Variants in NALCN observed in about 807,000 individuals in gnomAD.
The protein encoded by NALCN is sodium leak channel NALCN.
In NALCN, 111 loss-of-function variants were observed where a neutral mutation model predicts 225.3. The observed-to-expected ratio is 0.49, with a 90% CI of 0.42 to 0.58. NALCN has a LOEUF of 0.58. NALCN is among the 20% of genes least tolerant of loss of function. The pLI is 0.00. For missense variants in NALCN, 1,378 were observed against 2,202.4 expected (o/e 0.63, Z 7.49); for synonymous variants, 764 against 769.0 (o/e 0.99, Z 0.11).
intron 10 of NALCN, among the ~76,000 whole-genome samples, chr13:101,273,547 T>C (rs1420970348): frequency 6.6e-6 from 1 of 152,174 alleles, no homozygotes; most frequent in Non-Finnish European, 1.5e-5. Context: ...TGTCTTTATA[T>C]CTAATATCTT....
At chr13:101,116,454 T>G in intron 18 of NALCN, 1 of 507,040 alleles carries the variant, frequency 2.0e-6, no homozygotes, top group Non-Finnish European at 3.9e-6. Flanking sequence ...AAGAGAGATC[T>G]TTGGAGCTTT....
chr13:101,137,145 G>A (rs931581140), intron 17 of NALCN, among the ~76,000 whole-genome samples: 1 of 152,112 alleles, frequency 6.6e-6, no homozygotes, highest in African/African-American at 2.4e-5. Flanking sequence ...TTAAGCTAGA[G>A]AGAAGTGTAC....
rs529247444 is a variant in NALCN at position 101,182,374 on chromosome 13, G to A, written c.1765-6000C>T. 2.6e-5 allele frequency among the ~76,000 whole-genome samples: 4 copies of A among 152,068 alleles called. 1 individual carries two copies. In the South Asian group the frequency reaches 8.3e-4, roughly 32 times the overall value. ...TTTGGCTTCTCTGGGAAAACGCTGC[G>A]TGACTTCACAACAGGAAGGCCCAAA... On this transcript the variant is annotated intron_variant, in intron 14 of 43. Coordinates refer to ENST00000251127, the MANE Select transcript of NALCN (RefSeq NM_052867.4).
intron 13 of NALCN, among the ~76,000 whole-genome samples, chr13:101,208,480 A>C (rs2040405195): frequency 6.6e-6 from 1 of 152,244 alleles, no homozygotes; most frequent in African/African-American, 2.4e-5. Context: ...AGAGGGCTTT[A>C]GTATTCCCAA....
intron 11 of NALCN, among the ~76,000 whole-genome samples, chr13:101,245,657 C>T (rs960798044): frequency 3.9e-5 from 6 of 152,110 alleles, no homozygotes; most frequent in Admixed American, 6.5e-5. Flanking sequence ...GGTTTGATGT[C>T]GCCATAATGA....
intron 15 of NALCN, among the ~76,000 whole-genome samples, chr13:101,151,132 C>T (rs1421390150): frequency 1.3e-5 from 2 of 152,330 alleles, no homozygotes; most frequent in East Asian, 1.9e-4. Flanking sequence ...TGCTATTCTA[C>T]GGCTCAGCAT....
rs9585671 is a variant in NALCN at position 101,331,525 on chromosome 13, C to G, written c.799+13741G>C. 2.0e-5 allele frequency among the ~76,000 whole-genome samples: 3 copies of G among 152,024 alleles called. No individual in the cohort carries two copies. In the South Asian group the frequency reaches 6.2e-4, roughly 32 times the overall value. ...AGGGACAGAGAATGATAGAAGATTC[C>G]TTGTGCAACTAATCAAGGATCAAGA... On this transcript the variant is annotated intron_variant, in intron 7 of 43. Transcript: ENST00000251127.
At chr13:101,128,752 G>C (rs2036365958) in intron 17 of NALCN, among the ~76,000 whole-genome samples, 1 of 151,712 alleles carries the variant, frequency 6.6e-6, no homozygotes. Context: ...TTAAGAGATG[G>C]GGTTTCTTCA....
intron 7 of NALCN, among the ~76,000 whole-genome samples, chr13:101,320,012 T>C (rs1361912695): frequency 6.6e-6 from 1 of 152,198 alleles, no homozygotes; most frequent in East Asian, 1.9e-4. Context: ...AGTTAACTAA[T>C]CTTGTTCTTT....
At chr13:101,062,663 G>T (rs2139411743) in intron 40 of NALCN, among the ~76,000 whole-genome samples, 1 of 152,160 alleles carries the variant, frequency 6.6e-6, no homozygotes, top group Admixed American at 6.5e-5. Flanking sequence ...GAGTGTAATG[G>T]CGTGCTGTCA....
In NALCN at chr13:101,073,637, G is replaced by A. The variant is rs1394846721; in HGVS notation, c.4144C>T (p.Leu1382=). ...TCTTCACCTGTGACAATTCGGAACA[G>A]TACGGTAATAGCTTTTCCAGCCGAA... The part of the protein sequence containing the change: ...FSSAGKAITV[L]FRIVTGEDWN... Residue 1382 remains leucine, a synonymous_variant, in exon 37 of 44, where the codon CTG becomes TTG. Coordinates refer to ENST00000251127, the MANE Select transcript of NALCN (RefSeq NM_052867.4). 1.9e-6 allele frequency: 3 copies of A among 1,613,440 alleles called. No homozygotes were observed. The highest frequency in any genetic ancestry group is 1.7e-5 in the Admixed American group (1 of 59,958).
At chr13:101,284,875 C>T (rs1341814968) in intron 9 of NALCN, among the ~76,000 whole-genome samples, 2 of 152,148 alleles carry the variant, frequency 1.3e-5, no homozygotes, top group African/African-American at 2.4e-5. Context: ...TTCCCACTTT[C>T]ACGTATTTTC....
chr13:101,324,760 C>G (rs2044881977), intron 7 of NALCN, among the ~76,000 whole-genome samples: 4 of 152,054 alleles, frequency 2.6e-5, no homozygotes, highest in Admixed American at 2.6e-4. Flanking sequence ...AATTGAATAC[C>G]CTTTATTTCT....
chr13:101,054,123 A>G lies in NALCN; in HGVS notation c.*1172T>C, dbSNP rs2030908123. On this transcript the variant is annotated 3_prime_UTR_variant, in exon 44 of 44. Coordinates refer to ENST00000251127, the MANE Select transcript of NALCN (RefSeq NM_052867.4). ...AAAGGTCCAAGTCAAGTCCACTTCT[A>G]CTTGGCTGGCCCAGCACAAGAAATC... The G allele has an allele frequency of 6.6e-6, 1 of 152,230 alleles. No individual in the cohort carries two copies. The highest frequency in any genetic ancestry group is 2.4e-5 in the African/African-American group (1 of 41,454). 9.4% of individuals were successfully genotyped at this position (152,230 alleles called of 1,614,324 possible).
chr13:101,088,105 G>A (rs535295745), intron 30 of NALCN, among the ~76,000 whole-genome samples: 1 of 152,216 alleles, frequency 6.6e-6, no homozygotes, highest in East Asian at 1.9e-4. Flanking sequence ...GGGGCTGGGT[G>A]ACATGATCAC....
In NALCN at chr13:101,082,828, G is replaced by A. The variant is rs2139514038; in HGVS notation, c.3746C>T (p.Thr1249Ile). 2 of 1,613,990 alleles carry A rather than the reference G, an allele frequency of 1.2e-6. No homozygotes were observed. The highest frequency in any genetic ancestry group is 2.2e-5 in the East Asian group (1 of 44,884). Residue 1249 changes from threonine to isoleucine, a missense_variant, in exon 33 of 44, where the codon ACC becomes ATC. Thr to Ile is a moderately conservative substitution (Grantham distance 89, BLOSUM62 -1). Transcript: ENST00000251127. Reference sequence around the variant, plus strand: ...CAGTACCTCCAGAACAAAGATGAAGGTGAAAACAACTGACATTGTTGCCAA... The same window carrying A: ...CAGTACCTCCAGAACAAAGATGAAGATGAAAACAACTGACATTGTTGCCAA... ...VPLATMSVVF[T>I]FIFVLEVTMK...
chr13:101,342,492 A>T (rs1303760976), intron 7 of NALCN, among the ~76,000 whole-genome samples: 3 of 152,160 alleles, frequency 2.0e-5, no homozygotes, highest in Non-Finnish European at 4.4e-5. Flanking sequence ...GGGTCCTAGT[A>T]AGCCTCCACA....
chr13:101,120,311 A>C (rs1000320214), intron 18 of NALCN, among the ~76,000 whole-genome samples: 1 of 152,156 alleles, frequency 6.6e-6, no homozygotes, highest in East Asian at 1.9e-4. Context: ...TGACTTGTCC[A>C]GGAAGGTAAA....
At chr13:101,253,917 T>A (rs1054762343) in intron 11 of NALCN, among the ~76,000 whole-genome samples, 3 of 152,186 alleles carry the variant, frequency 2.0e-5, no homozygotes, top group African/African-American at 7.2e-5. Flanking sequence ...ATAAACTTTA[T>A]AAAAATAGAA....
Sources: gnomAD v4.1 joint callset for allele counts (sites outside exome capture counted in the v4.1 genomes callset) on GRCh38, gnomAD v4.1.1 for gene constraint, MANE v1.5 for transcripts, NCBI Gene and HGNC (gene_info 2026-07-23, HGNC 2026-07-21) for gene names.